BCAR3: variants seen among roughly 807,000 people sequenced by gnomAD.
BCAR3 encodes breast cancer anti-estrogen resistance protein 3.
A neutral mutation model predicts 80.1 loss-of-function variants in BCAR3; 37 were observed. The observed-to-expected ratio is 0.46, with a 90% CI of 0.36 to 0.61. BCAR3 has a LOEUF of 0.61. BCAR3 is among the 20% of genes least tolerant of loss of function. The pLI is 0.00. For missense variants in BCAR3, 978 were observed against 1,068.2 expected, an observed-to-expected ratio of 0.92 and a Z score of 1.18; for synonymous variants, 389 against 418.9, an observed-to-expected ratio of 0.93 and a Z score of 0.87.
intron 2 of BCAR3, among the ~76,000 whole-genome samples, chr1:93,734,841 C>T (rs989895584): frequency 9.9e-5 from 15 of 152,282 alleles, no homozygotes; most frequent in Middle Eastern, 3.4e-3. Context: ...CTGTGCGAAA[C>T]GCTTTCCTGT....
chr1:93,711,869 T>A (rs1032136455), intron 2 of BCAR3, among the ~76,000 whole-genome samples: 1 of 152,168 alleles, frequency 6.6e-6, no homozygotes, highest in Admixed American at 6.5e-5. Flanking sequence ...GGACATTGCA[T>A]AGAACTCTAC....
intron 2 of BCAR3, among the ~76,000 whole-genome samples, chr1:93,666,130 G>C (rs116750694): frequency 6.6e-6 from 1 of 152,056 alleles, no homozygotes; most frequent in Non-Finnish European, 1.5e-5. Flanking sequence ...AAAACTGATC[G>C]TGCCATTCCC....
intron 2 of BCAR3, among the ~76,000 whole-genome samples, chr1:93,811,254 A>C (rs2100804073): frequency 6.6e-6 from 1 of 151,630 alleles, no homozygotes; most frequent in African/African-American, 2.4e-5. Context: ...GTGAGAGGAT[A>C]GTTTCTATGG....
At chr1:93,650,076 T>C (rs1312671955) in intron 2 of BCAR3, among the ~76,000 whole-genome samples, 3 of 146,558 alleles carry the variant, frequency 2.0e-5, no homozygotes, top group Non-Finnish European at 4.5e-5. Flanking sequence ...CCTAGGAGGG[T>C]GCGATGGCTC....
intron 3 of BCAR3, among the ~76,000 whole-genome samples, chr1:93,613,011 T>G (rs550881627): frequency 3.9e-5 from 6 of 152,186 alleles, no homozygotes; most frequent in Non-Finnish European, 7.4e-5. Flanking sequence ...TGCTGCAGCC[T>G]TTTCAAAGGT....
chr1:93,798,905 T>A (rs1240500974), intron 2 of BCAR3, among the ~76,000 whole-genome samples: 1 of 152,292 alleles, frequency 6.6e-6, no homozygotes. Flanking sequence ...GGTAATCTCC[T>A]CAGTTGCTTC....
At chr1:93,673,174 T>C (rs1299210987) in intron 2 of BCAR3, among the ~76,000 whole-genome samples, 2 of 152,220 alleles carry the variant, frequency 1.3e-5, no homozygotes, top group African/African-American at 2.4e-5. Flanking sequence ...ATTTCCTCTA[T>C]AGCATTTGGT....
chr1:93,591,389 C>T (rs777981442), intron 4 of BCAR3, among the ~76,000 whole-genome samples: 5 of 152,060 alleles, frequency 3.3e-5, no homozygotes, highest in East Asian at 3.9e-4. Flanking sequence ...GCAGGAGAAT[C>T]GCTTGAACCC....
intron 2 of BCAR3, among the ~76,000 whole-genome samples, chr1:93,831,351 CTT>C (rs1184132540): frequency 2.6e-5 from 4 of 152,176 alleles, no homozygotes; most frequent in Admixed American, 1.3e-4. Flanking sequence ...CTTAAAACCT[CTT>C]CAACTCACAC....
At chr1:93,710,777 C>T (rs1276933352) in intron 2 of BCAR3, among the ~76,000 whole-genome samples, 1 of 152,216 alleles carries the variant, frequency 6.6e-6, no homozygotes, top group African/African-American at 2.4e-5. Flanking sequence ...TCTGGCATAA[C>T]AAATTACCCC....
At chr1:93,562,628 A>G (rs956893416) in intron 11 of BCAR3, among the ~76,000 whole-genome samples, 2 of 151,914 alleles carry the variant, frequency 1.3e-5, no homozygotes, top group African/African-American at 4.8e-5. Context: ...AAAATTAGCC[A>G]GGCGTGGTGG....
intron 2 of BCAR3, among the ~76,000 whole-genome samples, chr1:93,817,597 G>T (rs1187887185): frequency 6.6e-6 from 1 of 152,168 alleles, no homozygotes; most frequent in South Asian, 2.1e-4. Context: ...TGTGCCCTTA[G>T]CCATTTGGTT....
chr1:93,843,489 G>A (rs1451094600), intron 2 of BCAR3, among the ~76,000 whole-genome samples: 1 of 152,222 alleles, frequency 6.6e-6, no homozygotes, highest in Non-Finnish European at 1.5e-5. Flanking sequence ...AGGCAGAGAA[G>A]TTAAGGATCA....
rs1458681429 is a variant in BCAR3, at chr1:93,769,386, TGTG to T, written c.-62-63247_-62-63245del. The stretch of plus-strand genomic sequence containing the variant: ...GTGTGTGTGTGTGTGTGTGTGTGTG[TGTG>T]TGTGTGTGTGTGTGTGTGTCAAGGA... On this transcript the variant is annotated intron_variant, in intron 2 of 13. Transcript: ENST00000370244. Among the ~76,000 whole-genome samples the T allele has an allele frequency of 1.5e-3, 227 of 151,196 alleles. 1 individual carries two copies. The highest frequency in any genetic ancestry group is 5.4e-3 in the African/African-American group (224 of 41,226).
chr1:93,833,883 A>G (rs1301987499), intron 2 of BCAR3, among the ~76,000 whole-genome samples: 3 of 152,232 alleles, frequency 2.0e-5, no homozygotes, highest in Admixed American at 2.0e-4. Context: ...AGATTAAAAG[A>G]AAGACAGGCA....
chr1:93,710,620 C>A (rs1649987112), intron 2 of BCAR3, among the ~76,000 whole-genome samples: 1 of 152,218 alleles, frequency 6.6e-6, no homozygotes. Context: ...GCTCTCTGAA[C>A]TCCTGTCGCA....
At chr1:93,573,615 A>ATTGG (rs919862286) in intron 8 of BCAR3, among the ~76,000 whole-genome samples, 1 of 129,798 alleles carries the variant, frequency 7.7e-6, no homozygotes, top group African/African-American at 3.0e-5. Context: ...TATTTTTATT[A>ATTGG]TTATTATTAT....
At position 93,634,150 on chromosome 1, in the gene BCAR3, C is replaced by A. The variant is rs540066897; in HGVS notation, c.357+8154G>T. On this transcript the variant is annotated intron_variant, in intron 3 of 11. Transcript: ENST00000260502. Reference sequence around the variant, plus strand: ...TTGTTTTCTGTCACTATAAGTTTTGCCTTTTCCAGAATATCATACAAATGT... The same window carrying A: ...TTGTTTTCTGTCACTATAAGTTTTGACTTTTCCAGAATATCATACAAATGT... Among the ~76,000 whole-genome samples the A allele has an allele frequency of 2.5e-4, 38 of 152,290 alleles. No individual in the cohort carries two copies. In the South Asian group the frequency reaches 7.5e-3, roughly 30 times the overall value.
intron 3 of BCAR3, among the ~76,000 whole-genome samples, chr1:93,705,501 C>T (rs1336129914): frequency 6.6e-6 from 1 of 152,188 alleles, no homozygotes. Flanking sequence ...CTGTCAAATG[C>T]CAATTGTTTG....
Sources: gnomAD v4.1 joint callset for allele counts (sites outside exome capture counted in the v4.1 genomes callset) on GRCh38, gnomAD v4.1.1 for gene constraint, MANE v1.5 for transcripts, NCBI Gene and HGNC (gene_info 2026-07-23, HGNC 2026-07-21) for gene names.